Variants in FAM9B observed in about 807,000 individuals in gnomAD.
The protein encoded by FAM9B is family with sequence similarity 9 member B.
A neutral mutation model predicts 16.6 loss-of-function variants in FAM9B; 18 were observed. The observed-to-expected ratio is 1.09, with a 90% CI of 0.75 to 1.61. The LOEUF is 1.61. Among genes scored for constraint, FAM9B ranks in the 40% most tolerant of loss-of-function variants. The pLI, the probability that FAM9B is intolerant of heterozygous loss-of-function variation, is 0.00. For synonymous variants in FAM9B, 43 were observed against 42.6 expected (o/e 1.01, Z -0.03); for missense variants, 155 against 136.0 (o/e 1.14, Z -0.70).
At chrX:9,033,401 C>A in intron 1 of FAM9B, 2 of 960,262 alleles carry the variant, frequency 2.1e-6, no homozygotes, top group Non-Finnish European at 2.6e-6. Context: ...CTGGGTGACA[C>A]AGGATCTCCC....
At position 9,029,401 on chromosome X, in the gene FAM9B, A is replaced by G. The variant is rs1299329055; in HGVS notation, c.299T>C (p.Ile100Thr). 22 of 1,196,143 alleles carry G rather than the reference A, an allele frequency of 1.8e-5. No individual in the cohort carries two copies. The highest frequency in any genetic ancestry group is 2.3e-4 in the Middle Eastern group (1 of 4,311). The stretch of plus-strand genomic sequence containing the variant: ...GACATTTAGCAACTTCAGAGAATGT[A>G]TATAATCACGTTTCTGCCTGTAACA... ...KQLKRQKRDYIHSLKLLNVLE... is the reference protein window; with the variant it reads ...KQLKRQKRDYTHSLKLLNVLE... Residue 100 changes from isoleucine to threonine, a missense_variant, in exon 6 of 9, where the codon ATA (isoleucine) becomes ACA (threonine). Transcript: ENST00000327220.
chrX:9,032,269 G>A lies in FAM9B; in HGVS notation c.149+72C>T. 3 of 1,204,118 alleles carry A rather than the reference G, an allele frequency of 2.5e-6. No individual in the cohort carries two copies. The African/African-American group carries it at 5.2e-5, about 21-fold the overall frequency. ...AATGTTCTGCATAGAATAGAACAGTGATGACATGGTCCAAAGCTGACTTTT... is the reference window on the plus strand; with the variant it reads ...AATGTTCTGCATAGAATAGAACAGTAATGACATGGTCCAAAGCTGACTTTT... On this transcript the variant is annotated intron_variant, in intron 3 of 8. Transcript: ENST00000327220.
chrX:9,030,654 T>C (rs1023534657), intron 4 of FAM9B: 3 of 185,303 alleles, frequency 1.6e-5, no homozygotes, highest in Non-Finnish European at 2.9e-5. Context: ...TTTTTAAATG[T>C]GCAGAAAGAG....
intron 7 of FAM9B, among the ~76,000 whole-genome samples, chrX:9,027,464 T>C (rs1920978071): frequency 9.0e-6 from 1 of 111,499 alleles, no homozygotes; most frequent in Non-Finnish European, 1.9e-5. Context: ...TTATGCCTAG[T>C]GTTCCATTAT....
chrX:9,030,700 A>G (rs1921047250), intron 4 of FAM9B: 2 of 137,051 alleles, frequency 1.5e-5, no homozygotes, highest in African/African-American at 3.2e-5. Context: ...CATTTATAAA[A>G]TGTCCTACAA....
At chrX:9,028,068 C>T in intron 6 of FAM9B, 102 bp from the exon 7 acceptor site, 4 of 529,969 alleles carry the variant, frequency 7.5e-6, no homozygotes, top group South Asian at 3.2e-5. Context: ...TAAATCAATA[C>T]CTCTGAACAC....
At chrX:9,028,440 C>T (rs1312060298) in intron 6 of FAM9B, among the ~76,000 whole-genome samples, 7 of 111,410 alleles carry the variant, frequency 6.3e-5, no homozygotes, top group African/African-American at 9.8e-5. Flanking sequence ...CTCTCCTCTA[C>T]GTGGCACTCA....
chrX:9,033,678 C>CAG, intron 1 of FAM9B, 174 bp downstream of exon 1: 1 of 221,006 alleles, frequency 4.5e-6, no homozygotes, highest in Non-Finnish European at 6.4e-6. Context: ...CCTCCCTGCC[C>CAG]TGGCCCACCC....
intron 5 of FAM9B, 39 bp downstream of exon 5, chrX:9,030,222 G>A: frequency 8.6e-7 from 1 of 1,166,352 alleles, no homozygotes; most frequent in Non-Finnish European, 1.2e-6. Context: ...ACAAAGAAAT[G>A]ATATAAATAT....
chrX:9,032,791 CT>C, intron 2 of FAM9B, 167 bp downstream of exon 2: 1 of 744,497 alleles, frequency 1.3e-6, no homozygotes, highest in Admixed American at 3.7e-5. Flanking sequence ...GCCTAAGGCC[CT>C]TGAGCCTGCT....
At chrX:9,030,154 T>A (rs993503584) in intron 5 of FAM9B, 107 bp downstream of exon 5, 16 of 1,150,286 alleles carry the variant, frequency 1.4e-5, no homozygotes, top group Non-Finnish European at 1.9e-5. Flanking sequence ...AAATATGTTG[T>A]TCACTAGAGA....
rs1392088890 is a variant in FAM9B at position 9,028,453 on chromosome X, C to T, written c.394-487G>A. On this transcript the variant is annotated intron_variant, in intron 6 of 8. Transcript: ENST00000327220. ...TCCTCTCCTCTACGTGGCACTCACT[C>T]ACACAGTCATCCCCTAGATTTTGTC... is the stretch of plus-strand genomic sequence containing the variant. 3.6e-5 allele frequency among the ~76,000 whole-genome samples: 4 copies of T among 111,374 alleles called. No individual in the cohort carries two copies. In the East Asian group the frequency reaches 1.1e-3, roughly 31 times the overall value.
intron 1 of FAM9B, chrX:9,033,430 T>C: frequency 5.8e-6 from 5 of 866,750 alleles, no homozygotes; most frequent in Non-Finnish European, 7.2e-6. Context: ...TCTAGGGGAA[T>C]GTCAGGGGCT....
At chrX:9,028,486 A>G (rs1446326372) in intron 6 of FAM9B, among the ~76,000 whole-genome samples, 1 of 110,928 alleles carries the variant, frequency 9.0e-6, no homozygotes. Flanking sequence ...GTCATTCCCA[A>G]TGACTTCAAC....
At chrX:9,032,884 C>G (rs1602139094) in intron 2 of FAM9B, 75 bp downstream of exon 2, 1 of 1,165,827 alleles carries the variant, frequency 8.6e-7, no homozygotes, top group East Asian at 3.0e-5. Context: ...TGCCCCTGTG[C>G]CCCCAGCGCA....
At position 9,033,897 on chromosome X, in the gene FAM9B, G is replaced by A. The variant is rs1289561075; in HGVS notation, c.-135C>T. 8 of 749,922 alleles carry A rather than the reference G, an allele frequency of 1.1e-5. No individual in the cohort carries two copies. Among genetic ancestry groups the A allele is most frequent in the African/African-American group, 7.1e-5 (3 of 42,342 alleles). 61.8% of individuals were successfully genotyped at this position (749,922 alleles called of 1,213,427 possible). The stretch of plus-strand genomic sequence containing the variant: ...CGCCCTCAAAGAACCTGCAGGCAGC[G>A]GCACCACTAGGACCTCTTAGAAAAC... On this transcript the variant is annotated 5_prime_UTR_variant, in exon 1 of 9. Transcript: ENST00000327220.
At chrX:9,031,451 T>C (rs1291225702) in intron 4 of FAM9B, 2 of 112,030 alleles carry the variant, frequency 1.8e-5, no homozygotes, top group South Asian at 3.7e-4. Context: ...ACTGGAATAA[T>C]AATAGAAAAT....
intron 4 of FAM9B, chrX:9,031,865 C>T (rs1921084021): frequency 3.0e-6 from 1 of 331,755 alleles, no homozygotes; most frequent in Admixed American, 5.1e-5. Context: ...CTCTAATATC[C>T]TCCAAACAAT....
chrX:9,032,548 T>C, intron 2 of FAM9B, 87 bp from the exon 3 acceptor site: 1 of 276,326 alleles, frequency 3.6e-6, no homozygotes, highest in Non-Finnish European at 6.2e-6. Flanking sequence ...AGTTGTAGAC[T>C]TTTTTGGGGG....
Sources: allele counts gnomAD v4.1 joint callset (sites outside exome capture counted in the v4.1 genomes callset), GRCh38; gene constraint gnomAD v4.1.1; transcripts MANE v1.5; gene names NCBI Gene and HGNC (gene_info 2026-07-23, HGNC 2026-07-21).